The following METTL6 variants were observed in gnomAD, a reference collection of about 807,000 sequenced individuals.
METTL6 encodes the protein methyltransferase 6, tRNA N3-cytidine, also known as tRNA N(3)-cytidine methyltransferase METTL6.
In METTL6, 22 loss-of-function variants were observed where a neutral mutation model predicts 26.4. That is an observed-to-expected ratio of 0.83 (90% confidence interval 0.59 to 1.19). METTL6 has a LOEUF of 1.19. Ranked by LOEUF, METTL6 falls within the 50% of genes most tolerant of loss-of-function variation. The pLI is 0.00. For missense variants in METTL6, 304 were observed against 324.8 expected, an observed-to-expected ratio of 0.94 and a Z score of 0.49; for synonymous variants, 109 against 116.2, an observed-to-expected ratio of 0.94 and a Z score of 0.40.
chr3:15,415,357 A>T (rs1264413361), intron 4 of METTL6: 20 of 735,286 alleles, frequency 2.7e-5, no homozygotes, highest in Non-Finnish European at 4.0e-5. Context: ...AGGTCTTGCT[A>T]TGTTGGCCAG....
intron 4 of METTL6, chr3:15,414,802 G>T (rs1297902550): frequency 2.2e-6 from 1 of 459,732 alleles, no homozygotes; most frequent in Admixed American, 2.4e-5. Context: ...GCGTCCTGTA[G>T]TCCCAACTAC....
intron 6 of METTL6, among the ~76,000 whole-genome samples, chr3:15,399,074 C>G (rs1297820258): frequency 6.6e-6 from 1 of 152,128 alleles, no homozygotes; most frequent in East Asian, 1.9e-4. Flanking sequence ...TATTAGCATG[C>G]AAAAAGACAT....
intron 6 of METTL6, among the ~76,000 whole-genome samples, chr3:15,400,072 G>A (rs1369290255): frequency 6.6e-6 from 1 of 152,162 alleles, no homozygotes; most frequent in Non-Finnish European, 1.5e-5. Flanking sequence ...AGGAAGAGGA[G>A]ATTGTGGGTC....
At chr3:15,425,213 T>A (rs1260302367) in intron 2 of METTL6, 124 bp from the exon 3 acceptor site, 4 of 1,019,832 alleles carry the variant, frequency 3.9e-6, no homozygotes, top group Non-Finnish European at 2.9e-6. Flanking sequence ...ACAAGAGAAC[T>A]AATAAGCAAA....
At chr3:15,409,671 C>G (rs181150919), downstream of METTL6, among the ~76,000 whole-genome samples, 3 of 152,208 alleles carry the variant, frequency 2.0e-5, no homozygotes, top group Admixed American at 2.0e-4. Context: ...AGGTGATGGC[C>G]ATTCCCTCTC....
intron 6 of METTL6, among the ~76,000 whole-genome samples, chr3:15,402,723 G>T (rs1027771028): frequency 4.6e-5 from 6 of 131,136 alleles, no homozygotes; most frequent in African/African-American, 1.8e-4. Context: ...GAAACAGAGT[G>T]AGATTCCATC....
chr3:15,417,549 G>A (rs58062534), intron 3 of METTL6, among the ~76,000 whole-genome samples: 14,968 of 151,608 alleles, frequency 0.099, 1,171 homozygotes, highest in African/African-American at 0.22. Context: ...ATTACAAAAC[G>A]TAGTAATAAA....
At chr3:15,387,051 G>C (rs1294358988) in intron 6 of METTL6, among the ~76,000 whole-genome samples, 1 of 152,150 alleles carries the variant, frequency 6.6e-6, no homozygotes, top group South Asian at 2.1e-4. Context: ...ACCTGCCTCA[G>C]CCTCCCAAAG....
At chr3:15,405,771 T>G (rs1016937529), downstream of METTL6, among the ~76,000 whole-genome samples, 1 of 152,182 alleles carries the variant, frequency 6.6e-6, no homozygotes, top group African/African-American at 2.4e-5. Context: ...TAACTAACAC[T>G]TGACTGGTAC....
intron 6 of METTL6, among the ~76,000 whole-genome samples, chr3:15,400,872 A>G (rs897606520): frequency 2.0e-5 from 3 of 152,186 alleles, no homozygotes; most frequent in African/African-American, 4.8e-5. Context: ...ATCATTAAAC[A>G]TAACTGAAAC....
At chr3:15,416,076 A>T (rs971919875) in intron 3 of METTL6, 134 bp from the exon 4 acceptor site, 8 of 731,966 alleles carry the variant, frequency 1.1e-5, no homozygotes, top group East Asian at 5.5e-5. Context: ...GATAAAACTG[A>T]TTAATAAATC....
chr3:15,388,961 G>T (rs540266530), intron 6 of METTL6, among the ~76,000 whole-genome samples: 1 of 152,052 alleles, frequency 6.6e-6, no homozygotes. Flanking sequence ...TGCAGTGGTG[G>T]TTTCACTCCT....
intron 4 of METTL6, chr3:15,415,053 A>AACAC: frequency 1.1e-6 from 1 of 917,126 alleles, no homozygotes; most frequent in Non-Finnish European, 1.4e-6. Flanking sequence ...AAAACAAACA[A>AACAC]ACAAACAAAC....
Position 15,393,925 on chromosome 3 carries a change from C to T in METTL6, c.*12-9738G>A, listed in dbSNP as rs538818003. Among the ~76,000 whole-genome samples the T allele has an allele frequency of 2.0e-3, 306 of 152,260 alleles. 1 individual carries two copies. Among genetic ancestry groups the T allele is most frequent in the African/African-American group, 6.7e-3 (279 of 41,536 alleles). On this transcript the variant is annotated intron_variant, in intron 6 of 6. Coordinates refer to the METTL6 transcript ENST00000443029. ...AGTATTTTATTGAGGATTTTTGCAT[C>T]GATGTTCATCAGGGATATTGGTCTA...
At chr3:15,417,932 T>C (rs2061524366) in intron 3 of METTL6, among the ~76,000 whole-genome samples, 1 of 152,086 alleles carries the variant, frequency 6.6e-6, no homozygotes, top group Non-Finnish European at 1.5e-5. Flanking sequence ...CCACAACAGA[T>C]AGACTCTTTG....
intron 6 of METTL6, among the ~76,000 whole-genome samples, chr3:15,390,288 T>G (rs1394602281): frequency 6.6e-6 from 1 of 151,654 alleles, no homozygotes; most frequent in Non-Finnish European, 1.5e-5. Context: ...GTTAGCTGGG[T>G]GTGTTGGTAC....
intron 6 of METTL6, among the ~76,000 whole-genome samples, chr3:15,391,350 A>G (rs1386199863): frequency 6.6e-6 from 1 of 152,190 alleles, no homozygotes; most frequent in South Asian, 2.1e-4. Flanking sequence ...TTCTGTATCA[A>G]TGGCAGCGGG....
chr3:15,400,938 T>C (rs1461508488), intron 6 of METTL6, among the ~76,000 whole-genome samples: 1 of 152,226 alleles, frequency 6.6e-6, no homozygotes, highest in Non-Finnish European at 1.5e-5. Context: ...ATCAGCTCAC[T>C]GCAGCCTCAA....
chr3:15,403,105 G>C (rs1699692556), intron 6 of METTL6, among the ~76,000 whole-genome samples: 1 of 152,116 alleles, frequency 6.6e-6, no homozygotes. Context: ...ATTTTGCAAA[G>C]GTGGTTCCAG....
Sources: gnomAD v4.1 joint callset for allele counts (sites outside exome capture counted in the v4.1 genomes callset) on GRCh38, gnomAD v4.1.1 for gene constraint, MANE v1.5 for transcripts, NCBI Gene and HGNC (gene_info 2026-07-23, HGNC 2026-07-21) for gene names.